NUMA1: variants seen among roughly 807,000 people sequenced by gnomAD.
NUMA1 encodes the protein nuclear mitotic apparatus protein 1, also known as SP-H antigen.
In NUMA1, 62 loss-of-function variants were observed where a neutral mutation model predicts 237.1. The ratio of observed to expected loss-of-function variants is 0.26; its 90% CI spans 0.21 to 0.32. The LOEUF is 0.32. Ranked by LOEUF, NUMA1 falls within the 10% of genes least tolerant of loss-of-function variation. The probability of loss-of-function intolerance (pLI) is 1.00; values close to 1 mark genes in which losing one functional copy is unlikely to be tolerated. For missense variants in NUMA1, 2,533 were observed against 2,666.5 expected (o/e 0.95, Z 1.10); for synonymous variants, 1,028 against 1,066.1 (o/e 0.96, Z 0.70).
chr11:72,015,516 G>A lies in NUMA1; in HGVS notation c.1987C>T (p.Arg663Cys), dbSNP rs764649318. 7.4e-6 allele frequency: 12 copies of A among 1,613,192 alleles called. No individual in the cohort carries two copies. Among genetic ancestry groups the A allele is most frequent in the South Asian group, 6.6e-5 (6 of 91,080 alleles). ...EELQACVETA[R>C]QEQHEAQAQV... is the part of the protein sequence containing the mutation. ...GCCTGGGCCTCATGCTGTTCCTGGC[G>A]GGCTGTCTCAACACAGGCCTGGAGT... Residue 663 changes from arginine (R) to cysteine (C), a missense_variant, in exon 15 of 27, where the codon CGC becomes TGC. By Grantham distance (180) the Arg-to-Cys change is radical. Transcript: ENST00000393695. The surrounding 1 kb of genome is among the most constrained non-coding windows in gnomAD (Gnocchi z 4.0).
chr11:72,015,030 C>T lies in NUMA1; in HGVS notation c.2473G>A (p.Ala825Thr). The T allele has an allele frequency of 3.1e-6, 5 of 1,614,100 alleles. No homozygotes were observed. Among genetic ancestry groups the T allele is most frequent in the South Asian group, 1.1e-5 (1 of 91,084 alleles). ...TCCTGGAACATGGCGCCATACTGTG[C>T]CTCCTCTTGCTGGCTATCCTCATAC... ...ERYEDSQQEE[A>T]QYGAMFQEQL... Residue 825 changes from alanine to threonine, a missense_variant, in exon 15 of 27, where the codon GCA becomes ACA. This residue lies in a region of NUMA1 where 1,414 missense variants were observed against 1,508.1 expected (regional missense o/e 0.94). Transcript: ENST00000393695. The surrounding 1 kb of genome is among the most constrained non-coding windows in gnomAD (Gnocchi z 4.0).
At position 72,004,631 on chromosome 11, in the gene NUMA1, C is replaced by A; in HGVS notation, c.6006+9G>T. 6.2e-7 allele frequency: 1 copy of A among 1,610,342 alleles called. No individual in the cohort carries two copies. The highest frequency in any genetic ancestry group is 8.5e-7 in the Non-Finnish European group (1 of 1,179,214). On this transcript the variant is annotated intron_variant, in intron 24 of 26. Coordinates refer to ENST00000393695, the MANE Select transcript of NUMA1 (RefSeq NM_006185.4). ...TGCTGGAGTAACACCCAGGAGCCAC[C>A]GCGCCTACCTCAGGAGTTCCAGGGC...
At chr11:72,019,827 G>C (rs1938495195) in intron 8 of NUMA1, among the ~76,000 whole-genome samples, 1 of 152,146 alleles carries the variant, frequency 6.6e-6, no homozygotes, top group Non-Finnish European at 1.5e-5. Context: ...TGAAGTGCAG[G>C]GCTTCCATTT....
intron 13 of NUMA1, 153 bp from the exon 14 acceptor site, chr11:72,016,683 C>A: frequency 1.1e-6 from 1 of 917,108 alleles, no homozygotes; most frequent in South Asian, 1.7e-5. Context: ...AACCATGGAA[C>A]TGGGAGCATG....
At chr11:72,073,048 C>CAAA (rs71052849) in intron 1 of NUMA1, among the ~76,000 whole-genome samples, 2 of 38,976 alleles carry the variant, frequency 5.1e-5, no homozygotes, top group African/African-American at 1.1e-4. Flanking sequence ...GACTCCGTCT[C>CAAA]AAAAAAAAAA....
intron 3 of NUMA1, among the ~76,000 whole-genome samples, chr11:72,035,288 A>G (rs1392437032): frequency 6.6e-6 from 1 of 152,208 alleles, no homozygotes; most frequent in African/African-American, 2.4e-5. Context: ...CTGATGGACA[A>G]TGGCAACAGA....
At position 72,018,195 on chromosome 11, in the gene NUMA1, G is replaced by T. The variant is rs1938167269; in HGVS notation, c.966C>A (p.Asp322Glu). The change falls in exon 12 of 27, where the codon GAC (aspartate) becomes GAA (glutamate). Residue 322 changes from aspartate to glutamate, a missense_variant. Asp to Glu is a conservative substitution (Grantham distance 45). This residue lies in a region of NUMA1 where 1,414 missense variants were observed against 1,508.1 expected (regional missense o/e 0.94). Transcript: ENST00000393695. ...KINQLSEENG[D>E]LSFKLREFAS... is the part of the protein sequence containing the mutation. Reference sequence around the variant, plus strand: ...CCTTAACACCCACCTTAAAGGAAAGGTCTCCATTCTCCTCCGAAAGCTGGT... The same window carrying T: ...CCTTAACACCCACCTTAAAGGAAAGTTCTCCATTCTCCTCCGAAAGCTGGT... 1 of 1,612,954 alleles carries T rather than the reference G, an allele frequency of 6.2e-7. No homozygotes were observed. The highest frequency in any genetic ancestry group is 1.7e-5 in the Admixed American group (1 of 60,036).
At chr11:72,041,016 T>G (rs1941609824) in intron 2 of NUMA1, 1 of 151,966 alleles carries the variant, frequency 6.6e-6, no homozygotes, top group South Asian at 2.1e-4. Context: ...CATTTAAATC[T>G]TGAAAGGAGA....
At position 72,015,451 on chromosome 11, in the gene NUMA1, C is replaced by T; in HGVS notation, c.2052G>A (p.Gln684=). Residue 684 remains glutamine, a synonymous_variant, in exon 15 of 27, where the codon CAG becomes CAA. Transcript: ENST00000393695. This position sits in a 1 kb window ranked among gnomAD's most constrained non-coding sequence, Gnocchi z 4.0. Reference sequence around the variant, plus strand: ...CCCTTTCTTTCTCAGTTGCTTTTTGCTGCTCAGACCGCAGCTGCAACTCTA... The same window carrying T: ...CCCTTTCTTTCTCAGTTGCTTTTTGTTGCTCAGACCGCAGCTGCAACTCTA... ...AELELQLRSE[Q]QKATEKERVA... The T allele has an allele frequency of 1.2e-6, 2 of 1,611,992 alleles. No individual in the cohort carries two copies.
chr11:72,044,601 TTG>T (rs1840929227), intron 2 of NUMA1, among the ~76,000 whole-genome samples: 1 of 31,030 alleles, frequency 3.2e-5, no homozygotes, highest in African/African-American at 8.5e-5. Context: ...AGGGGTTACT[TTG>T]GGGGGGGGGA....
In NUMA1 at chr11:72,031,644, T is replaced by A. The variant is rs115122760; in HGVS notation, c.43-2354A>T. ...ACCCTGGCTCTACAAAATAATAATTTAAAAAAATTTTTAGCTGGGTGAGGT... is the reference window on the plus strand; with the variant it reads ...ACCCTGGCTCTACAAAATAATAATTAAAAAAAATTTTTAGCTGGGTGAGGT... On this transcript the variant is annotated intron_variant, in intron 3 of 26. Transcript: ENST00000393695. Among the ~76,000 whole-genome samples the A allele has an allele frequency of 6.9e-3, 1,032 of 150,648 alleles. 2 individuals are homozygous for A. Among genetic ancestry groups the A allele is most frequent in the African/African-American group, 0.016 (650 of 40,950 alleles).
chr11:72,079,629 C>A (rs986290768), intron 1 of NUMA1, among the ~76,000 whole-genome samples: 1 of 152,110 alleles, frequency 6.6e-6, no homozygotes, highest in African/African-American at 2.4e-5. Flanking sequence ...GGCTCCCGCC[C>A]ACCCACAATC....
intron 2 of NUMA1, among the ~76,000 whole-genome samples, chr11:72,056,185 G>C (rs921316835): frequency 6.6e-5 from 10 of 151,906 alleles, no homozygotes; most frequent in Non-Finnish European, 1.5e-4. Flanking sequence ...AATTAGCCAG[G>C]TATGGTGGCA....
intron 4 of NUMA1, among the ~76,000 whole-genome samples, chr11:72,027,159 G>C (rs955741876): frequency 1.3e-5 from 2 of 152,106 alleles, no homozygotes; most frequent in African/African-American, 2.4e-5. Context: ...AAAGTTCCTT[G>C]ATCTATTTTG....
chr11:72,010,985 C>G (rs923830531), intron 16 of NUMA1, 131 bp from the exon 17 acceptor site: 2 of 809,562 alleles, frequency 2.5e-6, no homozygotes, highest in African/African-American at 3.4e-5. Context: ...GGCCCTTTCT[C>G]TGGCCTCCAA....
At chr11:72,030,469 T>C (rs1381771727) in intron 3 of NUMA1, among the ~76,000 whole-genome samples, 2 of 152,218 alleles carry the variant, frequency 1.3e-5, no homozygotes, top group Admixed American at 1.3e-4. Context: ...TGGCTTCAGA[T>C]AGGCATACAT....
chr11:72,030,389 G>C (rs1331569117), intron 3 of NUMA1, among the ~76,000 whole-genome samples: 1 of 151,972 alleles, frequency 6.6e-6, no homozygotes, highest in African/African-American at 2.4e-5. Flanking sequence ...GGTGGGGGAT[G>C]AAAGAATAGG....
In NUMA1 at chr11:72,009,084, C is replaced by T. The variant is rs1046350729; in HGVS notation, c.4941G>A (p.Glu1647=). ...SLEQLQKENK[E]LRAEAERLGH... The stretch of plus-strand genomic sequence containing the variant: ...CCAGCCGTTCAGCTTCAGCTCGCAG[C>T]TCTTTGTTTTCCTTCTGCAGCTGCT... The change falls in exon 19 of 27, where the codon GAG becomes GAA. Residue 1647 remains glutamate (E), a synonymous_variant. Coordinates refer to ENST00000393695, the MANE Select transcript of NUMA1 (RefSeq NM_006185.4). 4 of 1,613,498 alleles carry T rather than the reference C, an allele frequency of 2.5e-6. No homozygotes were observed. Among genetic ancestry groups the T allele is most frequent in the Non-Finnish European group, 3.4e-6 (4 of 1,179,990 alleles).
intron 3 of NUMA1, among the ~76,000 whole-genome samples, chr11:72,033,139 T>A (rs1940541917): frequency 6.6e-6 from 1 of 152,130 alleles, no homozygotes; most frequent in Non-Finnish European, 1.5e-5. Context: ...ATTGAAAACA[T>A]TCTCTATACT....
Sources: gnomAD v4.1 joint callset for allele counts (sites outside exome capture counted in the v4.1 genomes callset) on GRCh38, gnomAD v4.1.1 for gene constraint, gnomAD v4.1.1 regional missense constraint, Gnocchi (gnomAD v3.1) non-coding constraint, MANE v1.5 for transcripts, NCBI Gene and HGNC (gene_info 2026-07-23, HGNC 2026-07-21) for gene names.